KCP: variants seen among roughly 807,000 people sequenced by gnomAD.
The protein encoded by KCP is kielin cysteine rich BMP regulator.
Under a neutral mutation model 212.7 loss-of-function variants are expected in KCP, and 194 were observed. The observed-to-expected ratio is 0.91, with a 90% confidence interval of 0.81 to 1.03. The LOEUF (loss-of-function observed/expected upper bound fraction) is 1.03, where lower values mean the gene tolerates loss of function less well. KCP is among the 50% of genes least tolerant of loss of function. The probability of loss-of-function intolerance (pLI) is 0.00; values close to 1 mark genes in which losing one functional copy is unlikely to be tolerated. For missense variants in KCP, 2,080 were observed against 2,162.5 expected (o/e 0.96, Z 0.76); for synonymous variants, 833 against 865.3 (o/e 0.96, Z 0.65).
At position 128,885,285 on chromosome 7, in the gene KCP, G is replaced by A. The variant is rs774409775; in HGVS notation, c.2867-15C>T. On this transcript the variant is annotated splice_polypyrimidine_tract_variant and intron_variant, in intron 26 of 39. Coordinates refer to ENST00000610776, the MANE Select transcript of KCP (RefSeq NM_001366122.1). ...AGCCAGGCAGCCTGTGGTGCAAAGT[G>A]GGCAGGGACGAGCTCGGAGGTTGAG... 1.3e-6 allele frequency: 2 copies of A among 1,532,746 alleles called. No individual in the cohort carries two copies. The highest frequency in any genetic ancestry group is 2.4e-5 in the South Asian group (2 of 82,528). 94.9% of individuals were successfully genotyped at this position (1,532,746 alleles called of 1,614,324 possible).
intron 5 of KCP, among the ~76,000 whole-genome samples, chr7:128,904,538 G>A (rs1795027468): frequency 1.3e-5 from 2 of 152,254 alleles, no homozygotes; most frequent in South Asian, 4.1e-4. Flanking sequence ...TGATGCCTGG[G>A]CAGTGGCAGT....
Position 128,893,706 on chromosome 7 carries a change from G to T in KCP, c.1099+100C>A, listed in dbSNP as rs996494371. Reference sequence around the variant, plus strand: ...GGTGAGGACTCACTTTGGGAACAGGGTAACAGGGGCTTAGGTCCAAGAGAA... The same window carrying T: ...GGTGAGGACTCACTTTGGGAACAGGTTAACAGGGGCTTAGGTCCAAGAGAA... On this transcript the variant is annotated intron_variant, in intron 11 of 39. Transcript: ENST00000610776. 2.3e-5 allele frequency: 30 copies of T among 1,313,550 alleles called. No individual in the cohort carries two copies. In the Admixed American group the frequency reaches 3.7e-4, roughly 16 times the overall value. The allele number at this position is 1,313,550 out of a possible 1,614,324, so 81.4% of individuals were successfully genotyped here. A position where few individuals can be genotyped will look rare whatever the true frequency, so the allele number is the denominator to read the frequency against.
intron 5 of KCP, chr7:128,904,424 C>T (rs530423814): frequency 6.7e-6 from 9 of 1,348,846 alleles, no homozygotes; most frequent in African/African-American, 5.8e-5. Context: ...CCCCACCATC[C>T]TCCCTCTTTC....
intron 10 of KCP, 37 bp from the exon 11 acceptor site, chr7:128,893,936 C>A (rs935068396): frequency 1.3e-6 from 2 of 1,549,624 alleles, no homozygotes; most frequent in Non-Finnish European, 1.7e-6. Flanking sequence ...CAGAGGCAGG[C>A]CCCGGAGCCA....
Position 128,902,865 on chromosome 7 carries a change from G to T in KCP, c.749-6C>A. 6.4e-7 allele frequency: 1 copy of T among 1,550,426 alleles called. No homozygotes were observed. The highest frequency in any genetic ancestry group is 8.7e-7 in the Non-Finnish European group (1 of 1,146,236). Reference sequence around the variant, plus strand: ...AGAGCCACCTTCTGTGCAGCCTAGGGTTGAGGGGTTGAGAAGAGGGAGGCC... The same window carrying T: ...AGAGCCACCTTCTGTGCAGCCTAGGTTTGAGGGGTTGAGAAGAGGGAGGCC... On this transcript the variant is annotated splice_polypyrimidine_tract_variant and splice_region_variant and intron_variant, in intron 7 of 39. Coordinates refer to ENST00000610776, the MANE Select transcript of KCP (RefSeq NM_001366122.1).
chr7:128,903,873 G>T, intron 6 of KCP, 53 bp from the exon 7 acceptor site: 1 of 1,331,122 alleles, frequency 7.5e-7, no homozygotes, highest in South Asian at 1.3e-5. Flanking sequence ...GCAGAGGGCT[G>T]GGTGGGCGGG....
Position 128,892,258 on chromosome 7 carries a change from C to T in KCP, c.1621+256G>A, listed in dbSNP as rs985261122. On this transcript the variant is annotated intron_variant, in intron 16 of 39. Transcript: ENST00000610776. ...GGGTGGGGGCCCTAGCGTGGTGGGGCGGGGGGCAGTAGTTACTAGAAGAGG... is the reference window on the plus strand; with the variant it reads ...GGGTGGGGGCCCTAGCGTGGTGGGGTGGGGGGCAGTAGTTACTAGAAGAGG... Among the ~76,000 whole-genome samples, 5 of 64,182 alleles carry T rather than the reference C, an allele frequency of 7.8e-5. No individual in the cohort carries two copies. The South Asian group carries it at 1.6e-3, about 20-fold the overall frequency. 42.1% of individuals were successfully genotyped at this position (64,182 alleles called of 152,430 possible).
intron 8 of KCP, among the ~76,000 whole-genome samples, chr7:128,901,368 T>C (rs1585246492): frequency 2.0e-5 from 3 of 152,258 alleles, no homozygotes; most frequent in Admixed American, 2.0e-4. Context: ...GGCTCACGCC[T>C]GTAATCCCAG....
intron 8 of KCP, among the ~76,000 whole-genome samples, chr7:128,902,542 G>A (rs920113187): frequency 5.9e-5 from 9 of 152,146 alleles, no homozygotes; most frequent in African/African-American, 2.2e-4. Context: ...TCTAGCCTGT[G>A]AGCTCCTTGA....
intron 32 of KCP, 27 bp from the exon 33 acceptor site, chr7:128,880,748 GT>G (rs1424149114): frequency 2.4e-6 from 1 of 409,554 alleles, no homozygotes; most frequent in African/African-American, 2.1e-5. Flanking sequence ...TTGTTCTGGG[GT>G]TTTCTGCAGG....
chr7:128,888,032 CATA>C (rs1563029804), intron 22 of KCP, among the ~76,000 whole-genome samples: 1,313 of 119,054 alleles, frequency 0.011, 35 homozygotes, highest in African/African-American at 0.042. Flanking sequence ...CACACACACA[CATA>C]CACACACACA....
intron 39 of KCP, 61 bp downstream of exon 39, chr7:128,877,423 G>A (rs773891258): frequency 3.9e-6 from 6 of 1,537,030 alleles, no homozygotes; most frequent in Non-Finnish European, 5.3e-6. Flanking sequence ...TGAGCCCTCC[G>A]GGCTGCCCTT....
In KCP at chr7:128,894,222, G is replaced by T. The variant is rs1401862630; in HGVS notation, c.903C>A (p.Gly301=). The change falls in exon 9 of 40, where the codon GGC becomes GGA. Residue 301 remains glycine (G), a synonymous_variant. Transcript: ENST00000610776. ...LCPYPARPLP[G]TCCPVCDGCF... is the part of the protein sequence containing the mutation. ...CACCATCACACACAGGGCAGCAGGTGCCTGGGAGGGGCCGGGCTGGGTATG... is the reference window on the plus strand; with the variant it reads ...CACCATCACACACAGGGCAGCAGGTTCCTGGGAGGGGCCGGGCTGGGTATG... 1 of 1,538,060 alleles carries T rather than the reference G, an allele frequency of 6.5e-7. No individual in the cohort carries two copies. The highest frequency in any genetic ancestry group is 8.8e-7 in the Non-Finnish European group (1 of 1,138,154).
At position 128,891,346 on chromosome 7, in the gene KCP, C is replaced by T. The variant is rs899150162; in HGVS notation, c.1879-68G>A. 3.9e-6 allele frequency: 6 copies of T among 1,546,796 alleles called. No individual in the cohort carries two copies. In the African/African-American group the frequency reaches 8.2e-5, roughly 21 times the overall value. On this transcript the variant is annotated intron_variant, in intron 18 of 39. Transcript: ENST00000610776. ...GGGAGGCCGAGGAGACCCCTCCCAC[C>T]CAGTGCCACCAGGTCCCACCCCTCC...
chr7:128,896,419 G>A (rs1253176828), intron 8 of KCP, among the ~76,000 whole-genome samples: 1 of 152,144 alleles, frequency 6.6e-6, no homozygotes, highest in Non-Finnish European at 1.5e-5. Flanking sequence ...ATCCCTCCCG[G>A]TTAAGAATGG....
intron 5 of KCP, among the ~76,000 whole-genome samples, chr7:128,905,639 C>T (rs10232520): frequency 0.052 from 7,987 of 152,284 alleles, 500 homozygotes; most frequent in African/African-American, 0.15. Flanking sequence ...ATTCCTCAAG[C>T]GCCCCCTTGA....
At chr7:128,908,075 G>C (rs1795213986) in intron 2 of KCP, among the ~76,000 whole-genome samples, 1 of 149,102 alleles carries the variant, frequency 6.7e-6, no homozygotes, top group Non-Finnish European at 1.5e-5. Flanking sequence ...GTTGCAGGGA[G>C]CTGAGATTGT....
In KCP at chr7:128,881,677, G is replaced by T; in HGVS notation, c.3373C>A (p.Pro1125Thr). Reference sequence around the variant, plus strand: ...GGGGGAGTGTGGCGCTCTGAGAGGGGACAGCTGAGCTCAGGACAAGCCTGG... The same window carrying T: ...GGGGGAGTGTGGCGCTCTGAGAGGGTACAGCTGAGCTCAGGACAAGCCTGG... ...IHQACPELSC[P>T]LSERHTPPGS... The change falls in exon 31 of 40, where the codon CCC becomes ACC. Residue 1125 changes from proline (P) to threonine (T), a missense_variant. Transcript: ENST00000610776. 1 of 1,518,730 alleles carries T rather than the reference G, an allele frequency of 6.6e-7. No homozygotes were observed. The allele number at this position is 1,518,730 out of a possible 1,614,324, so 94.1% of individuals were successfully genotyped here.
chr7:128,879,961 C>T lies in KCP; in HGVS notation c.3884G>A (p.Gly1295Asp). Residue 1295 changes from glycine (G) to aspartate (D), a missense_variant, in exon 35 of 40, where the codon GGC becomes GAC. Physicochemically the swap from Gly to Asp is moderately conservative, Grantham distance 94. Coordinates refer to ENST00000610776, the MANE Select transcript of KCP (RefSeq NM_001366122.1). ...CTTGGCCAGCACATAGCTGCAACTG[C>T]CCTGGAAGTGCAGCAGGCGGCCGTC... is the stretch of plus-strand genomic sequence containing the variant. ...TFDGRLLHFQGSCSYVLAKDC... is the reference protein window; with the variant it reads ...TFDGRLLHFQDSCSYVLAKDC... 1 of 1,550,892 alleles carries T rather than the reference C, an allele frequency of 6.4e-7. No homozygotes were observed. Among genetic ancestry groups the T allele is most frequent in the Non-Finnish European group, 8.7e-7 (1 of 1,146,956 alleles).
Sources: allele counts gnomAD v4.1 joint callset (sites outside exome capture counted in the v4.1 genomes callset), GRCh38; gene constraint gnomAD v4.1.1; transcripts MANE v1.5; gene names NCBI Gene and HGNC (gene_info 2026-07-23, HGNC 2026-07-21).